Variants in ULK4 observed in about 807,000 individuals in gnomAD.
ULK4 encodes the protein unc-51 like kinase 4, also known as inactive serine/threonine-protein kinase ULK4.
In ULK4, 133 loss-of-function variants were observed where a neutral mutation model predicts 160.6. That is an observed-to-expected ratio of 0.83 (90% CI 0.72 to 0.96). The LOEUF (loss-of-function observed/expected upper bound fraction) is 0.96. ULK4 is among the 40% of genes least tolerant of loss of function. The pLI, the probability that ULK4 is intolerant of heterozygous loss-of-function variation, is 0.00. For missense variants in ULK4, 1,580 were observed against 1,499.5 expected (o/e 1.05, Z -0.89); for synonymous variants, 534 against 539.8 (o/e 0.99, Z 0.15).
rs200719020 is a variant in ULK4, at chr3:41,414,687, C to G, written c.3493-16423G>C. ...TAACAAAAGATTTCCCATTAGGCCACCAATACTGTTCCACTTCACTTTCAT... is the reference window on the plus strand; with the variant it reads ...TAACAAAAGATTTCCCATTAGGCCAGCAATACTGTTCCACTTCACTTTCAT... On this transcript the variant is annotated intron_variant, in intron 34 of 36. Coordinates refer to ENST00000301831, the MANE Select transcript of ULK4 (RefSeq NM_017886.4). Among the ~76,000 whole-genome samples, 4 of 152,290 alleles carry G rather than the reference C, an allele frequency of 2.6e-5. No individual in the cohort carries two copies. The East Asian group carries it at 5.8e-4, about 22-fold the overall frequency.
chr3:41,413,865 C>G (rs2082466479), intron 34 of ULK4, among the ~76,000 whole-genome samples: 1 of 152,104 alleles, frequency 6.6e-6, no homozygotes, highest in African/African-American at 2.4e-5. Context: ...AAGGAGCGCC[C>G]AGATACCTTT....
intron 35 of ULK4, among the ~76,000 whole-genome samples, chr3:41,307,897 A>C (rs1279554307): frequency 1.3e-5 from 2 of 152,208 alleles, no homozygotes; most frequent in Admixed American, 1.3e-4. Context: ...CCTCAGTGGG[A>C]AAACACACAG....
At chr3:41,933,568 G>C (rs141994897) in intron 4 of ULK4, among the ~76,000 whole-genome samples, 6 of 152,166 alleles carry the variant, frequency 3.9e-5, no homozygotes, top group African/African-American at 9.6e-5. Flanking sequence ...AAAGCAGCCT[G>C]AATTTTTCAG....
chr3:41,802,177 AATG>A, intron 19 of ULK4, among the ~76,000 whole-genome samples: 1 of 152,322 alleles, frequency 6.6e-6, no homozygotes, highest in South Asian at 2.1e-4. Flanking sequence ...TGCAGAAAAA[AATG>A]ATAATGAGAA....
At chr3:41,431,547 C>CTTTTTTTTTTTTTGTTTTTTTTTTT (rs2082909878) in intron 34 of ULK4, among the ~76,000 whole-genome samples, 1 of 95,854 alleles carries the variant, frequency 1.0e-5, no homozygotes, top group Non-Finnish European at 2.0e-5. Flanking sequence ...AATTCCCTCC[C>CTTTTTTTTTTTTTGTTTTTTTTTTT]TTTTTTTTTT....
chr3:41,398,336 A>T, intron 34 of ULK4, 72 bp from the exon 35 acceptor site: 1 of 1,540,218 alleles, frequency 6.5e-7, no homozygotes, highest in Non-Finnish European at 8.8e-7. Flanking sequence ...AACACAGTAA[A>T]ATTTGGCTTG....
intron 1 of ULK4, among the ~76,000 whole-genome samples, chr3:41,960,369 CTTTTT>C (rs11456275): frequency 7.4e-6 from 1 of 135,250 alleles, no homozygotes. Flanking sequence ...AAATGATTTT[CTTTTT>C]TTTTTTTGGA....
chr3:41,851,632 G>T (rs911315435), intron 17 of ULK4, among the ~76,000 whole-genome samples: 2 of 152,044 alleles, frequency 1.3e-5, no homozygotes, highest in African/African-American at 4.8e-5. Context: ...CTATTGATTG[G>T]AATAGTTTCA....
At chr3:41,262,664 A>G (rs1227218303) in intron 35 of ULK4, among the ~76,000 whole-genome samples, 1 of 152,124 alleles carries the variant, frequency 6.6e-6, no homozygotes, top group African/African-American at 2.4e-5. Context: ...TCACCCCATA[A>G]GACATGATTA....
At chr3:41,438,513 G>C (rs567905828) in intron 34 of ULK4, among the ~76,000 whole-genome samples, 2 of 152,178 alleles carry the variant, frequency 1.3e-5, no homozygotes, top group East Asian at 3.9e-4. Flanking sequence ...TATCCCCATG[G>C]GTCAGGAATG....
At chr3:41,488,890 T>C (rs746791306) in intron 32 of ULK4, among the ~76,000 whole-genome samples, 6 of 151,926 alleles carry the variant, frequency 3.9e-5, no homozygotes, top group Admixed American at 1.3e-4. Flanking sequence ...ATCAAGGATA[T>C]AAAAAATAGA....
At chr3:41,813,170 A>G (rs1432418103) in intron 19 of ULK4, among the ~76,000 whole-genome samples, 2 of 152,160 alleles carry the variant, frequency 1.3e-5, no homozygotes, top group East Asian at 1.9e-4. Flanking sequence ...GTGGGGGAGG[A>G]GCATCAGAAA....
At chr3:41,784,114 T>A (rs1276042977) in intron 21 of ULK4, among the ~76,000 whole-genome samples, 5 of 152,142 alleles carry the variant, frequency 3.3e-5, no homozygotes, top group Non-Finnish European at 7.3e-5. Context: ...GAATCACATA[T>A]AAAGTACCAT....
chr3:41,425,379 G>A (rs2082755097), intron 34 of ULK4, among the ~76,000 whole-genome samples: 1 of 152,164 alleles, frequency 6.6e-6, no homozygotes, highest in African/African-American at 2.4e-5. Context: ...CATACTTCCA[G>A]ATATCATCCA....
At chr3:41,825,016 T>C (rs936601505) in intron 18 of ULK4, among the ~76,000 whole-genome samples, 1 of 152,214 alleles carries the variant, frequency 6.6e-6, no homozygotes, top group African/African-American at 2.4e-5. Flanking sequence ...CAATATCCGC[T>C]GTTCTGCAGC....
intron 17 of ULK4, among the ~76,000 whole-genome samples, chr3:41,848,568 TACAGTCA>T (rs2042126820): frequency 6.6e-6 from 1 of 152,152 alleles, no homozygotes; most frequent in Non-Finnish European, 1.5e-5. Context: ...TACAGTCTGG[TACAGTCA>T]AGGGCAGAGC....
intron 36 of ULK4, among the ~76,000 whole-genome samples, chr3:41,247,787 C>T (rs1289766045): frequency 6.6e-6 from 1 of 152,214 alleles, no homozygotes; most frequent in Non-Finnish European, 1.5e-5. Flanking sequence ...ATGCTGCGCC[C>T]CCGCACACAG....
intron 34 of ULK4, among the ~76,000 whole-genome samples, chr3:41,401,167 T>C (rs957847007): frequency 1.3e-5 from 2 of 152,228 alleles, no homozygotes; most frequent in Non-Finnish European, 2.9e-5. Context: ...TTTTAGCTCT[T>C]AGCAATCGTG....
chr3:41,334,335 G>C (rs927035574), intron 35 of ULK4, among the ~76,000 whole-genome samples: 2 of 152,080 alleles, frequency 1.3e-5, no homozygotes, highest in African/African-American at 4.8e-5. Flanking sequence ...TTAGTCACTC[G>C]TATTGGTTGT....
Sources: gnomAD v4.1 joint callset for allele counts (sites outside exome capture counted in the v4.1 genomes callset) on GRCh38, gnomAD v4.1.1 for gene constraint, MANE v1.5 for transcripts, NCBI Gene and HGNC (gene_info 2026-07-23, HGNC 2026-07-21) for gene names.